ELK4: variants seen among roughly 807,000 people sequenced by gnomAD.
ELK4 encodes the protein ETS domain-containing protein Elk-4.
In ELK4, 16 loss-of-function variants were observed where a neutral mutation model predicts 29.6. The observed-to-expected ratio is 0.54, with a 90% CI of 0.37 to 0.82. ELK4 has a LOEUF of 0.82. Ranked by LOEUF, ELK4 falls within the 40% of genes least tolerant of loss-of-function variation. The probability of loss-of-function intolerance (pLI) is 0.00; values close to 1 mark genes in which losing one functional copy is unlikely to be tolerated. For missense variants in ELK4, 465 were observed against 507.1 expected, an observed-to-expected ratio of 0.92 and a Z score of 0.80; for synonymous variants, 213 against 191.1, an observed-to-expected ratio of 1.11 and a Z score of -0.95.
intron 1 of ELK4, among the ~76,000 whole-genome samples, chr1:205,630,466 AC>A (rs1410990142): frequency 1.3e-5 from 2 of 152,248 alleles, no homozygotes; most frequent in Non-Finnish European, 2.9e-5. Flanking sequence ...ACCCAAAAAA[AC>A]ACAAAGTCTC....
chr1:205,620,730 C>G lies in ELK4; in HGVS notation c.316G>C (p.Glu106Gln), dbSNP rs1418300694. 15 of 1,614,038 alleles carry G rather than the reference C, an allele frequency of 9.3e-6. No individual in the cohort carries two copies. The highest frequency in any genetic ancestry group is 1.6e-4 in the Middle Eastern group (1 of 6,084). ...MTVGRIEGDCESLNFSEVSSS... is the reference protein window; with the variant it reads ...MTVGRIEGDCQSLNFSEVSSS... ...CTGACTTCACTGAAGTTTAAACTTT[C>G]ACAGTCACCCTCAATCCTGCCCACT... Residue 106 changes from glutamate to glutamine, a missense_variant, in exon 3 of 5, where the codon GAA becomes CAA. Glu to Gln is a conservative substitution (Grantham distance 29). Transcript: ENST00000357992.
Position 205,611,413 on chromosome 1 carries a change from G to C in ELK4, c.*5133C>G, listed in dbSNP as rs749113897. ...ATCCTAAGATTAAACTTCAACTTCA[G>C]TAAGCAGAGTTCTGATGACATAAGA... On this transcript the variant is annotated 3_prime_UTR_variant, in exon 5 of 5. Coordinates refer to ENST00000357992, the MANE Select transcript of ELK4 (RefSeq NM_001973.4). The C allele has an allele frequency of 1.0e-4, 22 of 210,420 alleles. No individual in the cohort carries two copies. Among genetic ancestry groups the C allele is most frequent in the Non-Finnish European group, 1.5e-4 (16 of 103,722 alleles). The allele number at this position is 210,420 out of a possible 1,614,324, so 13.0% of individuals were successfully genotyped here.
In ELK4 at chr1:205,610,702, T is replaced by C. The variant is rs1670137564; in HGVS notation, c.*5844A>G. On this transcript the variant is annotated 3_prime_UTR_variant, in exon 5 of 5. Coordinates refer to ENST00000357992, the MANE Select transcript of ELK4 (RefSeq NM_001973.4). ...AGTGGCAACTGCAAAGTGCAGCAAA[T>C]TTTTTTAAGTTTTAGTATAAAATAG... is the stretch of plus-strand genomic sequence containing the variant. 4.3e-6 allele frequency: 1 copy of C among 231,566 alleles called. No homozygotes were observed. The highest frequency in any genetic ancestry group is 2.2e-5 in the African/African-American group (1 of 45,222). 14.3% of individuals were successfully genotyped at this position (231,566 alleles called of 1,614,324 possible).
chr1:205,631,097 T>G (rs564148344), intron 1 of ELK4, among the ~76,000 whole-genome samples: 5 of 152,172 alleles, frequency 3.3e-5, no homozygotes, highest in Non-Finnish European at 7.3e-5. Flanking sequence ...GTTACCAGCC[T>G]CGATGCAGCT....
At position 205,614,649 on chromosome 1, in the gene ELK4, A is replaced by C; in HGVS notation, c.*1897T>G. 1 of 226,054 alleles carries C rather than the reference A, an allele frequency of 4.4e-6. No individual in the cohort carries two copies. The highest frequency in any genetic ancestry group is 8.8e-6 in the Non-Finnish European group (1 of 113,554). 14.0% of individuals were successfully genotyped at this position (226,054 alleles called of 1,614,324 possible). ...GAATATGTTCCCTCTACTACTACTA[A>C]GTTAGCTAGCATAGATGTCTTCTTA... On this transcript the variant is annotated 3_prime_UTR_variant, in exon 5 of 5. Coordinates refer to ENST00000357992, the MANE Select transcript of ELK4 (RefSeq NM_001973.4).
rs1670315019 is a variant in ELK4, at chr1:205,620,432, G to A, written c.614C>T (p.Ala205Val). The A allele has an allele frequency of 6.2e-7, 1 of 1,614,212 alleles. No homozygotes were observed. Among genetic ancestry groups the A allele is most frequent in the Non-Finnish European group, 8.5e-7 (1 of 1,180,036 alleles). ...PSKKPPVEPV[A>V]ATISIGPSIS... ...ACTTGGGCCAATTGAAATGGTGGCA[G>A]CAACAGGTTCAACCGGTGGCTTTTT... The change falls in exon 3 of 5, where the codon GCT (alanine) becomes GTT (valine). Residue 205 changes from alanine to valine, a missense_variant. This residue lies in a region of ELK4 where 385 missense variants were observed against 387.5 expected (regional missense o/e 0.99). Coordinates refer to ENST00000357992, the MANE Select transcript of ELK4 (RefSeq NM_001973.4).
chr1:205,621,399 A>G (rs1670347776), intron 2 of ELK4, among the ~76,000 whole-genome samples: 1 of 152,206 alleles, frequency 6.6e-6, no homozygotes, highest in African/African-American at 2.4e-5. Context: ...TAAAAACTGA[A>G]GGATTTTAAT....
Position 205,618,855 on chromosome 1 carries a change from G to GAAA in ELK4, c.1197+101_1197+102insTTT, listed in dbSNP as rs1670278152. 3.6e-6 allele frequency: 3 copies of GAAA among 826,996 alleles called. No homozygotes were observed. In the East Asian group the frequency reaches 8.7e-5, roughly 24 times the overall value. 51.2% of individuals were successfully genotyped at this position (826,996 alleles called of 1,614,324 possible). On this transcript the variant is annotated intron_variant, in intron 4 of 4. Transcript: ENST00000357992. ...ATAAAAAAAGAATATTCATTAAATA[G>GAAA]AAGTTTTATAATGATTAAACTGAAT...
chr1:205,611,468 T>C lies in ELK4; in HGVS notation c.*5078A>G, dbSNP rs558004580. 7 of 208,942 alleles carry C rather than the reference T, an allele frequency of 3.4e-5. No individual in the cohort carries two copies. The East Asian group carries it at 5.1e-4, about 15-fold the overall frequency. The allele number at this position is 208,942 out of a possible 1,614,324, so 12.9% of individuals were successfully genotyped here. On this transcript the variant is annotated 3_prime_UTR_variant, in exon 5 of 5. Transcript: ENST00000357992. ...TAACAGGGCACTTTGTTTCAGGCAA[T>C]GCCAGCAACATTAAAACAATAACAA...
In ELK4 at chr1:205,620,573, G is replaced by C. The variant is rs1008351135; in HGVS notation, c.473C>G (p.Ser158Cys). The C allele has an allele frequency of 6.2e-7, 1 of 1,614,038 alleles. No individual in the cohort carries two copies. Among genetic ancestry groups the C allele is most frequent in the African/African-American group, 1.3e-5 (1 of 74,896 alleles). Reference protein sequence around the residue: ...SSFTLNSLNSSNVKLFKLIKT... With the variant: ...SSFTLNSLNSCNVKLFKLIKT... Reference sequence around the variant, plus strand: ...TATCAATTTGAAAAGCTTTACATTGGAGGAGTTCAAAGAGTTGAGAGTAAA... The same window carrying C: ...TATCAATTTGAAAAGCTTTACATTGCAGGAGTTCAAAGAGTTGAGAGTAAA... The change falls in exon 3 of 5, where the codon TCC (serine) becomes TGC (cysteine). Residue 158 changes from serine to cysteine, a missense_variant. Transcript: ENST00000357992.
chr1:205,626,164 C>A, intron 1 of ELK4: 1 of 646,752 alleles, frequency 1.5e-6, no homozygotes, highest in South Asian at 1.4e-5. Context: ...TGCTGCTACC[C>A]CTGAGCTGGA....
In ELK4 at chr1:205,621,861, CT is replaced by C. The variant is rs1488608633; in HGVS notation, c.208-1024del. 4.6e-5 allele frequency among the ~76,000 whole-genome samples: 7 copies of C among 151,704 alleles called. No homozygotes were observed. The East Asian group carries it at 1.2e-3, about 26-fold the overall frequency. The stretch of plus-strand genomic sequence containing the variant: ...AACATAGTATCTGTTAAGGTTCTTA[CT>C]TCCTTCAGAAATTCCAGTTTATCTC... On this transcript the variant is annotated intron_variant, in intron 2 of 4. Transcript: ENST00000357992.
At chr1:205,622,248 G>C (rs904667465) in intron 2 of ELK4, among the ~76,000 whole-genome samples, 1 of 152,026 alleles carries the variant, frequency 6.6e-6, no homozygotes, top group African/African-American at 2.4e-5. Flanking sequence ...AAGAAATTAA[G>C]ATCTCAGCAA....
At position 205,620,786 on chromosome 1, in the gene ELK4, T is replaced by TCA. The variant is rs1194436749; in HGVS notation, c.259_260insTG (p.Tyr87LeufsTer6). ...TGGATCCATGTTCAAAATCTCTGGA[T>TCA]AAGAGACAAACTTGTACACAAACTT... On this transcript the variant is annotated frameshift_variant, in exon 3 of 5. Transcript: ENST00000357992. LOFTEE classifies it high-confidence loss of function. 6.2e-7 allele frequency: 1 copy of TCA among 1,613,720 alleles called. No individual in the cohort carries two copies. Among genetic ancestry groups the TCA allele is most frequent in the Non-Finnish European group, 8.5e-7 (1 of 1,180,030 alleles).
In ELK4 at chr1:205,620,268, G is replaced by C. The variant is rs142937236; in HGVS notation, c.778C>G (p.Pro260Ala). ...ATTPPISSIP[P>A]LQEPPRTPSP... is the part of the protein sequence containing the mutation. ...GGTGTTCTGGGAGGTTCCTGCAAAG[G>C]GGGTATGGACGAAATGGGTGGTGTG... Residue 260 changes from proline (P) to alanine (A), a missense_variant, in exon 3 of 5, where the codon CCT becomes GCT. Physicochemically the swap from Pro to Ala is conservative, Grantham distance 27. Around this residue, in one of 2 missense-constraint regions of ELK4, gnomAD observed 385 missense variants for 387.5 expected, o/e 0.99. Coordinates refer to ENST00000357992, the MANE Select transcript of ELK4 (RefSeq NM_001973.4). The C allele has an allele frequency of 6.8e-6, 11 of 1,614,210 alleles. No homozygotes were observed. Among genetic ancestry groups the C allele is most frequent in the South Asian group, 6.6e-5 (6 of 91,074 alleles).
intron 1 of ELK4, among the ~76,000 whole-genome samples, chr1:205,626,483 T>C (rs552711936): frequency 2.6e-4 from 39 of 152,272 alleles, no homozygotes; most frequent in African/African-American, 9.1e-4. Flanking sequence ...CAGCAATCCC[T>C]TCCTTTTACT....
chr1:205,629,554 T>C (rs915802587), intron 1 of ELK4, among the ~76,000 whole-genome samples: 1 of 151,820 alleles, frequency 6.6e-6, no homozygotes, highest in Non-Finnish European at 1.5e-5. Context: ...CCGTTTCTAT[T>C]AAAAATACAA....
chr1:205,626,454 C>T (rs569952480), intron 1 of ELK4, among the ~76,000 whole-genome samples: 3 of 152,222 alleles, frequency 2.0e-5, no homozygotes, highest in African/African-American at 7.2e-5. Flanking sequence ...TTTCTGACTG[C>T]CCAAGGGGCT....
rs949390090 is a variant in ELK4, at chr1:205,611,510, A to C, written c.*5036T>G. ...CAATAACAAAACATTTGTTGATCCCAAACCAAGAATATAATTCTATTTTCC... is the reference window on the plus strand; with the variant it reads ...CAATAACAAAACATTTGTTGATCCCCAACCAAGAATATAATTCTATTTTCC... On this transcript the variant is annotated 3_prime_UTR_variant, in exon 5 of 5. Transcript: ENST00000357992. The C allele has an allele frequency of 4.8e-6, 1 of 208,364 alleles. No homozygotes were observed. The highest frequency in any genetic ancestry group is 9.8e-6 in the Non-Finnish European group (1 of 102,290). The allele number at this position is 208,364 out of a possible 1,614,324, so 12.9% of individuals were successfully genotyped here. A position where few individuals can be genotyped will look rare whatever the true frequency, so the allele number is the denominator to read the frequency against.
Sources: allele counts gnomAD v4.1 joint callset (sites outside exome capture counted in the v4.1 genomes callset), GRCh38; gene constraint gnomAD v4.1.1; regional missense constraint gnomAD v4.1.1; transcripts MANE v1.5; gene names NCBI Gene and HGNC (gene_info 2026-07-23, HGNC 2026-07-21).